Variants in ITPR2 observed in about 807,000 individuals in gnomAD.
The protein encoded by ITPR2 is inositol 1,4,5-trisphosphate-gated calcium channel ITPR2.
In ITPR2, 207 loss-of-function variants were observed where a neutral mutation model predicts 317.1. The ratio of observed to expected loss-of-function variants is 0.65; its 90% CI spans 0.58 to 0.73. ITPR2 has a LOEUF of 0.73. Ranked by LOEUF, ITPR2 falls within the 30% of genes least tolerant of loss-of-function variation. ITPR2 has a pLI of 0.00. For synonymous variants in ITPR2, 1,156 were observed against 1,149.1 expected, an observed-to-expected ratio of 1.01 and a Z score of -0.12; for missense variants, 2,613 against 3,284.0, an observed-to-expected ratio of 0.80 and a Z score of 4.99.
chr12:26,743,000 G>A (rs1360485985), intron 2 of ITPR2, among the ~76,000 whole-genome samples: 1 of 152,166 alleles, frequency 6.6e-6, no homozygotes, highest in Non-Finnish European at 1.5e-5. Flanking sequence ...GGGAGGAGGG[G>A]GAAATTGGGA....
chr12:26,463,112 T>C (rs948117990), intron 45 of ITPR2, among the ~76,000 whole-genome samples: 1 of 152,248 alleles, frequency 6.6e-6, no homozygotes, highest in Non-Finnish European at 1.5e-5. Flanking sequence ...TATTTTTATA[T>C]TGGCTTATGT....
At position 26,339,379 on chromosome 12, in the gene ITPR2, C is replaced by T. The variant is rs377248733; in HGVS notation, c.*18G>A. 24 of 1,604,180 alleles carry T rather than the reference C, an allele frequency of 1.5e-5. No homozygotes were observed. Among genetic ancestry groups the T allele is most frequent in the African/African-American group, 4.0e-5 (3 of 74,840 alleles). Reference sequence around the variant, plus strand: ...CAGGACACTGATGAAAGGCTAGTCACGGCTTCCCCCCATGGTATCAGTGTG... The same window carrying T: ...CAGGACACTGATGAAAGGCTAGTCATGGCTTCCCCCCATGGTATCAGTGTG... On this transcript the variant is annotated 3_prime_UTR_variant, in exon 57 of 57. Coordinates refer to ENST00000381340, the MANE Select transcript of ITPR2 (RefSeq NM_002223.4).
At chr12:26,473,806 C>T (rs1274275719) in intron 45 of ITPR2, among the ~76,000 whole-genome samples, 1 of 152,146 alleles carries the variant, frequency 6.6e-6, no homozygotes, top group Non-Finnish European at 1.5e-5. Context: ...CTCTTTCTCT[C>T]TAAAACGACA....
Position 26,415,261 on chromosome 12 carries a change from A to T in ITPR2, c.7306+42T>A, listed in dbSNP as rs1940685736. On this transcript the variant is annotated intron_variant, in intron 51 of 56. Transcript: ENST00000381340. ...TGTTAACAAGCTACACACAAGTCAT[A>T]TCTGCCATCAGAGAAACCTCATTTA... 3 of 1,309,742 alleles carry T rather than the reference A, an allele frequency of 2.3e-6. No individual in the cohort carries two copies. The African/African-American group carries it at 4.5e-5, about 19-fold the overall frequency. The allele number at this position is 1,309,742 out of a possible 1,614,324, so 81.1% of individuals were successfully genotyped here.
chr12:26,623,078 G>T (rs931271896), intron 24 of ITPR2, among the ~76,000 whole-genome samples: 1 of 152,122 alleles, frequency 6.6e-6, no homozygotes, highest in Non-Finnish European at 1.5e-5. Context: ...CTTGATTCTT[G>T]TTTGTCTTTC....
At chr12:26,702,314 T>A (rs1053684934) in intron 9 of ITPR2, among the ~76,000 whole-genome samples, 1 of 151,038 alleles carries the variant, frequency 6.6e-6, no homozygotes, top group Non-Finnish European at 1.5e-5. Flanking sequence ...AGATCAAAAA[T>A]CTTTATCTTG....
intron 2 of ITPR2, among the ~76,000 whole-genome samples, chr12:26,763,516 C>G (rs140197585): frequency 1.9e-4 from 29 of 152,166 alleles, no homozygotes; most frequent in African/African-American, 7.0e-4. Flanking sequence ...ATGGTTAACA[C>G]AAAACTCAGG....
At chr12:26,349,257 T>C (rs901461534) in intron 55 of ITPR2, among the ~76,000 whole-genome samples, 3 of 152,246 alleles carry the variant, frequency 2.0e-5, no homozygotes, top group African/African-American at 7.2e-5. Context: ...GAGTGAATTT[T>C]GCTCCATTAG....
In ITPR2 at chr12:26,342,135, T is replaced by A. The variant is rs114722161; in HGVS notation, c.7858-1807A>T. ...GTGCAGATGAGGCAGAAAGCTGGAC[T>A]GACACAGCATGCTGTGTCTCTCTGG... On this transcript the variant is annotated intron_variant, in intron 55 of 56. Transcript: ENST00000381340. Among the ~76,000 whole-genome samples, 1,481 of 152,216 alleles carry A rather than the reference T, an allele frequency of 9.7e-3. 27 individuals carry two copies. Among genetic ancestry groups the A allele is most frequent in the African/African-American group, 0.034 (1,403 of 41,526 alleles).
chr12:26,813,548 C>T (rs539860073), intron 1 of ITPR2, among the ~76,000 whole-genome samples: 45 of 152,306 alleles, frequency 3.0e-4, no homozygotes, highest in African/African-American at 1.1e-3. Flanking sequence ...TTTTAAATCT[C>T]GTAGCAGCAT....
intron 37 of ITPR2, among the ~76,000 whole-genome samples, chr12:26,549,818 G>T (rs965267864): frequency 2.6e-4 from 39 of 151,632 alleles, no homozygotes; most frequent in African/African-American, 9.2e-4. Context: ...AAACTTGGCA[G>T]AATATTATAA....
chr12:26,469,683 A>C (rs1465880378), intron 45 of ITPR2, among the ~76,000 whole-genome samples: 2 of 151,116 alleles, frequency 1.3e-5, no homozygotes, highest in Non-Finnish European at 2.9e-5. Context: ...CTTCTTTACC[A>C]CTGCATTCCT....
intron 55 of ITPR2, among the ~76,000 whole-genome samples, chr12:26,365,035 T>C (rs189334192): frequency 6.6e-6 from 1 of 152,334 alleles, no homozygotes; most frequent in East Asian, 1.9e-4. Flanking sequence ...TCTGGTATAA[T>C]CAGGGAATAA....
intron 51 of ITPR2, among the ~76,000 whole-genome samples, chr12:26,414,848 T>A (rs868415851): frequency 6.6e-6 from 1 of 152,156 alleles, no homozygotes; most frequent in Non-Finnish European, 1.5e-5. Flanking sequence ...TCTTATGATC[T>A]GGTGGTTTCA....
intron 37 of ITPR2, among the ~76,000 whole-genome samples, chr12:26,518,224 T>C (rs1393449495): frequency 6.6e-6 from 1 of 152,122 alleles, no homozygotes; most frequent in Non-Finnish European, 1.5e-5. Flanking sequence ...TGCAGCAACA[T>C]GGATGGAGCT....
At chr12:26,413,689 T>C (rs1940625692) in intron 51 of ITPR2, among the ~76,000 whole-genome samples, 1 of 152,168 alleles carries the variant, frequency 6.6e-6, no homozygotes, top group African/African-American at 2.4e-5. Context: ...TTCATAGTAT[T>C]TATAAAAGCT....
At chr12:26,464,254 A>G (rs1942113664) in intron 45 of ITPR2, among the ~76,000 whole-genome samples, 1 of 152,154 alleles carries the variant, frequency 6.6e-6, no homozygotes, top group South Asian at 2.1e-4. Flanking sequence ...TACTCACCAT[A>G]ATATAGAATC....
chr12:26,596,471 A>T (rs1015679156), intron 31 of ITPR2, among the ~76,000 whole-genome samples: 3 of 152,012 alleles, frequency 2.0e-5, no homozygotes, highest in Admixed American at 6.5e-5. Context: ...ACATGGTGAA[A>T]CCCCATTTCT....
intron 47 of ITPR2, among the ~76,000 whole-genome samples, chr12:26,437,714 T>A (rs1048777623): frequency 2.0e-5 from 3 of 152,214 alleles, no homozygotes; most frequent in African/African-American, 7.2e-5. Context: ...CTTATTTTTT[T>A]AAAAGCACAG....
Sources: allele counts gnomAD v4.1 joint callset (sites outside exome capture counted in the v4.1 genomes callset), GRCh38; gene constraint gnomAD v4.1.1; transcripts MANE v1.5; gene names NCBI Gene and HGNC (gene_info 2026-07-23, HGNC 2026-07-21).